NEK10: variants seen among roughly 807,000 people sequenced by gnomAD.
The protein encoded by NEK10 is serine/threonine-protein kinase Nek10.
In NEK10, 122 loss-of-function variants were observed where a neutral mutation model predicts 159.8. The ratio of observed to expected loss-of-function variants is 0.76; its 90% confidence interval spans 0.66 to 0.89. The LOEUF (loss-of-function observed/expected upper bound fraction) is 0.89. Ranked by LOEUF, NEK10 falls within the 40% of genes least tolerant of loss-of-function variation. NEK10 has a pLI of 0.00. For missense variants in NEK10, 1,342 were observed against 1,323.1 expected (o/e 1.01, Z -0.22); for synonymous variants, 466 against 457.1 (o/e 1.02, Z -0.25).
chr3:27,115,841 G>GA (rs879291406), intron 35 of NEK10, 99 bp downstream of exon 35: 62 of 861,620 alleles, frequency 7.2e-5, no homozygotes, highest in Non-Finnish European at 8.7e-5. Context: ...AATAAAATCT[G>GA]AAAAAAAATC....
intron 23 of NEK10, among the ~76,000 whole-genome samples, chr3:27,253,147 T>A (rs1226691762): frequency 6.6e-6 from 1 of 152,188 alleles, no homozygotes; most frequent in East Asian, 1.9e-4. Context: ...AATTATCTAG[T>A]GTCATAATAT....
intron 7 of NEK10, among the ~76,000 whole-genome samples, chr3:27,313,418 CT>C (rs2044871852): frequency 6.6e-6 from 1 of 152,128 alleles, no homozygotes; most frequent in African/African-American, 2.4e-5. Flanking sequence ...TCATTCCTTT[CT>C]TTGTCATCTA....
intron 5 of NEK10, among the ~76,000 whole-genome samples, chr3:27,334,174 C>T (rs1416346711): frequency 1.3e-5 from 2 of 152,196 alleles, no homozygotes; most frequent in African/African-American, 2.4e-5. Context: ...TGAAGTTGAG[C>T]TTACCCACCA....
Position 27,341,376 on chromosome 3 carries a change from C to T in NEK10, c.362+2896G>A, listed in dbSNP as rs564932274. Among the ~76,000 whole-genome samples the T allele has an allele frequency of 7.2e-5, 11 of 152,210 alleles. No individual in the cohort carries two copies. The South Asian group carries it at 2.1e-3, about 29-fold the overall frequency. On this transcript the variant is annotated intron_variant, in intron 5 of 35. Transcript: ENST00000691995. ...TTCTCAACACATAGAACTGACAAAT[C>T]CTCAAAGTGATGTGGGCACCTCAAA... is the stretch of plus-strand genomic sequence containing the variant.
At chr3:27,127,034 CATAA>C (rs1448251460) in intron 32 of NEK10, among the ~76,000 whole-genome samples, 1 of 151,924 alleles carries the variant, frequency 6.6e-6, no homozygotes, top group East Asian at 1.9e-4. Flanking sequence ...ACAAAAAACC[CATAA>C]ATATTTTTAT....
At chr3:27,123,298 G>GT (rs1174824745) in intron 32 of NEK10, among the ~76,000 whole-genome samples, 4 of 152,072 alleles carry the variant, frequency 2.6e-5, no homozygotes, top group Admixed American at 6.6e-5. Context: ...GACTAGCTTG[G>GT]TTTTTTTAGA....
intron 35 of NEK10, among the ~76,000 whole-genome samples, chr3:27,113,155 C>T (rs1008891016): frequency 3.9e-5 from 6 of 152,050 alleles, no homozygotes; most frequent in Non-Finnish European, 7.4e-5. Flanking sequence ...AAAAGGGGGT[C>T]GGGTGTGGTG....
intron 5 of NEK10, among the ~76,000 whole-genome samples, chr3:27,323,614 C>A (rs1362049614): frequency 6.7e-6 from 1 of 149,742 alleles, no homozygotes; most frequent in Non-Finnish European, 1.5e-5. Context: ...GAAAAAAAAA[C>A]CTGGATTTTT....
rs145399928 is a variant in NEK10, at chr3:27,233,596, T to C, written c.2090+22700A>G. 3.0e-3 allele frequency among the ~76,000 whole-genome samples: 451 copies of C among 152,104 alleles called. 4 individuals carry two copies. The highest frequency in any genetic ancestry group is 9.2e-3 in the African/African-American group (382 of 41,544). ...AGAAGTTGTTTTATGAAAATGCATG[T>C]TTGTAGCAGCACAATTCACAATTGC... On this transcript the variant is annotated intron_variant, in intron 23 of 35. Coordinates refer to ENST00000691995, the MANE Select transcript of NEK10 (RefSeq NM_001394966.1).
At chr3:27,301,208 C>T (rs770753447) in intron 13 of NEK10, among the ~76,000 whole-genome samples, 8 of 152,244 alleles carry the variant, frequency 5.3e-5, no homozygotes, top group Non-Finnish European at 7.3e-5. Flanking sequence ...TGCATTGCTG[C>T]TCCTGCTTGC....
At chr3:27,134,075 A>AG (rs893669183) in intron 31 of NEK10, among the ~76,000 whole-genome samples, 1 of 152,186 alleles carries the variant, frequency 6.6e-6, no homozygotes, top group Non-Finnish European at 1.5e-5. Context: ...AAAGAGAGGA[A>AG]GGGGGGTGCA....
At position 27,257,890 on chromosome 3, in the gene NEK10, G is replaced by A. The variant is rs1296586359; in HGVS notation, c.2015-1519C>T. Among the ~76,000 whole-genome samples the A allele has an allele frequency of 2.7e-5, 4 of 149,726 alleles. No homozygotes were observed. In the East Asian group the frequency reaches 7.9e-4, roughly 29 times the overall value. ...TGCAAGCTCTGCCTGCCGGGTTCAC[G>A]CCATTCTCCTGCCTCAGCCTCCCAA... On this transcript the variant is annotated intron_variant, in intron 22 of 35. Transcript: ENST00000691995.
intron 23 of NEK10, among the ~76,000 whole-genome samples, chr3:27,213,348 C>A (rs1392368844): frequency 6.6e-6 from 1 of 152,162 alleles, no homozygotes; most frequent in Admixed American, 6.5e-5. Flanking sequence ...TTTATTAAAA[C>A]TGATCTTTGC....
intron 6 of NEK10, 120 bp downstream of exon 6, chr3:27,322,057 C>T (rs150111329): frequency 1.3e-4 from 77 of 596,436 alleles, no homozygotes; most frequent in African/African-American, 1.3e-3. Flanking sequence ...TATATGGAAG[C>T]TATTGAGTTG....
intron 23 of NEK10, chr3:27,252,270 G>T (rs974428320): frequency 2.0e-6 from 1 of 487,972 alleles, no homozygotes; most frequent in South Asian, 1.5e-5. Context: ...GCTATTTGGG[G>T]CAAGTGATCA....
chr3:27,352,975 C>T (rs760172316), intron 1 of NEK10, 56 bp from the exon 2 acceptor site: 1 of 803,746 alleles, frequency 1.2e-6, no homozygotes, highest in Non-Finnish European at 2.1e-6. Context: ...CCAAAATATT[C>T]TCAGTTAATA....
At chr3:27,331,626 A>G (rs2046426996) in intron 5 of NEK10, among the ~76,000 whole-genome samples, 1 of 152,178 alleles carries the variant, frequency 6.6e-6, no homozygotes, top group Non-Finnish European at 1.5e-5. Context: ...TTGAAAGGAA[A>G]AGAGTCACTT....
intron 30 of NEK10, among the ~76,000 whole-genome samples, chr3:27,157,300 T>G (rs1945572490): frequency 6.6e-6 from 1 of 151,788 alleles, no homozygotes. Flanking sequence ...CCCAATAACT[T>G]ATGGAAAGAA....
intron 5 of NEK10, among the ~76,000 whole-genome samples, chr3:27,341,311 A>G (rs1346091213): frequency 6.6e-6 from 1 of 152,156 alleles, no homozygotes; most frequent in East Asian, 1.9e-4. Flanking sequence ...ACTATAGTTA[A>G]CAACAATGTA....
Sources: allele counts gnomAD v4.1 joint callset (sites outside exome capture counted in the v4.1 genomes callset), GRCh38; gene constraint gnomAD v4.1.1; transcripts MANE v1.5; gene names NCBI Gene and HGNC (gene_info 2026-07-23, HGNC 2026-07-21).